Variants in STMN4 observed in about 807,000 individuals in gnomAD.
STMN4 encodes stathmin-4.
A neutral mutation model predicts 29.1 loss-of-function variants in STMN4; 12 were observed. The ratio of observed to expected loss-of-function variants is 0.41; its 90% CI spans 0.26 to 0.67. The LOEUF (loss-of-function observed/expected upper bound fraction) is 0.67. STMN4 is among the 30% of genes least tolerant of loss of function. The probability of loss-of-function intolerance (pLI) is 0.30; values close to 1 mark genes in which losing one functional copy is unlikely to be tolerated. For missense variants in STMN4, 181 were observed against 262.8 expected (o/e 0.69, Z 2.15); for synonymous variants, 114 against 105.3 (o/e 1.08, Z -0.51).
intron 6 of STMN4, chr8:27,239,193 T>A: frequency 1.3e-6 from 2 of 1,531,342 alleles, no homozygotes; most frequent in South Asian, 2.4e-5. Context: ...TCTAGGTGGA[T>A]GGGCAGGAAG....
intron 3 of STMN4, 135 bp from the exon 4 acceptor site, chr8:27,241,892 GC>G: frequency 1.1e-6 from 1 of 928,650 alleles, no homozygotes. Context: ...TGAGGACGTG[GC>G]CACCCAGTGC....
intron 1 of STMN4, among the ~76,000 whole-genome samples, chr8:27,244,674 C>T (rs1586011147): frequency 6.6e-6 from 1 of 151,562 alleles, no homozygotes; most frequent in African/African-American, 2.4e-5. Flanking sequence ...GGCCAAGGGT[C>T]GGGGTGAGAA....
At chr8:27,257,459 AACACACACACACACACACACACAC>A (rs59516183) in intron 1 of STMN4, among the ~76,000 whole-genome samples, 4 of 137,722 alleles carry the variant, frequency 2.9e-5, no homozygotes, top group African/African-American at 1.1e-4. Flanking sequence ...CCCCCATACA[AACACACACACACACACACACACAC>A]ACACACACAC....
At chr8:27,247,246 C>T (rs1335313742) in intron 1 of STMN4, among the ~76,000 whole-genome samples, 2 of 103,970 alleles carry the variant, frequency 1.9e-5, no homozygotes, top group Non-Finnish European at 3.8e-5. Flanking sequence ...GAGAGTGAGA[C>T]TTTGTCTCAA....
At chr8:27,257,797 G>C (rs553410420) in intron 1 of STMN4, among the ~76,000 whole-genome samples, 1 of 152,300 alleles carries the variant, frequency 6.6e-6, no homozygotes, top group African/African-American at 2.4e-5. Flanking sequence ...GGTAGGATTA[G>C]GCTGACCTCA....
intron 1 of STMN4, among the ~76,000 whole-genome samples, chr8:27,258,076 AG>A (rs1801994487): frequency 6.6e-6 from 1 of 152,188 alleles, no homozygotes; most frequent in South Asian, 2.1e-4. Flanking sequence ...ATGCAGAAAT[AG>A]CTCACCATAG....
At chr8:27,239,370 C>T (rs542375247) in intron 6 of STMN4, 1 of 1,416,336 alleles carries the variant, frequency 7.1e-7, no homozygotes, top group African/African-American at 1.4e-5. Flanking sequence ...CCAGCGTGTT[C>T]TCAGCAGAAC....
chr8:27,242,308 T>C, intron 3 of STMN4, 89 bp downstream of exon 3: 1 of 1,272,684 alleles, frequency 7.9e-7, no homozygotes, highest in Admixed American at 1.8e-5. Context: ...GAGGAGAGAT[T>C]CACGGGACTG....
intron 4 of STMN4, 34 bp downstream of exon 4, chr8:27,241,643 G>A (rs202177422): frequency 1.3e-5 from 21 of 1,612,648 alleles, no homozygotes; most frequent in African/African-American, 2.7e-5. Flanking sequence ...TCTGACGCTC[G>A]GCCTGCGGAA....
Position 27,241,122 on chromosome 8 carries a change from G to A in STMN4, c.331C>T (p.Pro111Ser). Reference protein sequence around the residue: ...DGVPEFNASLPRRRDPSLEEI... With the variant: ...DGVPEFNASLSRRRDPSLEEI... ...TCCAGGGATGGGTCTCGCCGCCTTG[G>A]CAGGGAGGCGTTGAACTCGGGAACC... The change falls in exon 5 of 7, where the codon CCA (proline) becomes TCA (serine). Residue 111 changes from proline (P) to serine (S), a missense_variant. Coordinates refer to ENST00000350889, the MANE Select transcript of STMN4 (RefSeq NM_030795.4). The A allele has an allele frequency of 6.2e-7, 1 of 1,614,206 alleles. No individual in the cohort carries two copies. Among genetic ancestry groups the A allele is most frequent in the Non-Finnish European group, 8.5e-7 (1 of 1,180,030 alleles).
Position 27,243,804 on chromosome 8 carries a change from G to T in STMN4, c.-78-3C>A. 1.2e-6 allele frequency: 2 copies of T among 1,613,628 alleles called. No homozygotes were observed. Among genetic ancestry groups the T allele is most frequent in the Non-Finnish European group, 1.7e-6 (2 of 1,179,562 alleles). On this transcript the variant is annotated splice_region_variant and splice_polypyrimidine_tract_variant and intron_variant, in intron 1 of 6. Coordinates refer to ENST00000350889, the MANE Select transcript of STMN4 (RefSeq NM_030795.4). ...CAGCTTGGGACGCTGTCACCAACCT[G>T]AGAAAAGGGGAGGACAGGATTTTAC...
chr8:27,249,861 T>A (rs1801735128), intron 1 of STMN4, among the ~76,000 whole-genome samples: 1 of 152,184 alleles, frequency 6.6e-6, no homozygotes, highest in Admixed American at 6.5e-5. Flanking sequence ...AACAAGCATT[T>A]TATTGGTCAC....
At chr8:27,250,555 G>T (rs904254571) in intron 1 of STMN4, among the ~76,000 whole-genome samples, 1 of 152,202 alleles carries the variant, frequency 6.6e-6, no homozygotes, top group African/African-American at 2.4e-5. Context: ...GCCATAAAGG[G>T]AGAAGGAGTG....
At position 27,236,243 on chromosome 8, in the gene STMN4, G is replaced by T. The variant is rs28526441; in HGVS notation, c.*603C>A. Reference sequence around the variant, plus strand: ...CAGATGGATGAAAGCCAGGTTTCGAGAACTTTTTAACAATTACCCAAAGGA... The same window carrying T: ...CAGATGGATGAAAGCCAGGTTTCGATAACTTTTTAACAATTACCCAAAGGA... On this transcript the variant is annotated 3_prime_UTR_variant, in exon 7 of 7. Transcript: ENST00000350889. 33,344 of 152,204 alleles carry T rather than the reference G, an allele frequency of 0.22. 3,714 individuals are homozygous for T. Among genetic ancestry groups the T allele is most frequent in the Middle Eastern group, 0.3 (87 of 294 alleles). 9.4% of individuals were successfully genotyped at this position (152,204 alleles called of 1,614,324 possible). A position where few individuals can be genotyped will look rare whatever the true frequency, so the allele number is the denominator to read the frequency against.
intron 6 of STMN4, chr8:27,239,194 G>C: frequency 6.5e-7 from 1 of 1,532,100 alleles, no homozygotes. Context: ...CTAGGTGGAT[G>C]GGCAGGAAGG....
intron 6 of STMN4, chr8:27,239,593 G>T (rs1005263983): frequency 1.9e-6 from 2 of 1,041,166 alleles, no homozygotes; most frequent in Non-Finnish European, 2.7e-6. Flanking sequence ...GCTCAAGAAA[G>T]CATCTTTCCT....
At chr8:27,244,966 C>T (rs944673927) in intron 1 of STMN4, among the ~76,000 whole-genome samples, 3 of 152,166 alleles carry the variant, frequency 2.0e-5, no homozygotes, top group African/African-American at 7.2e-5. Flanking sequence ...TCACTGCCTA[C>T]ATCCTTGCCA....
intron 1 of STMN4, among the ~76,000 whole-genome samples, chr8:27,257,394 C>A (rs1801971679): frequency 6.6e-6 from 1 of 151,200 alleles, no homozygotes; most frequent in Non-Finnish European, 1.5e-5. Flanking sequence ...AGGGGGTATC[C>A]CTTCCCAGGG....
intron 1 of STMN4, among the ~76,000 whole-genome samples, chr8:27,252,389 G>C (rs1200917336): frequency 6.6e-6 from 1 of 152,098 alleles, no homozygotes; most frequent in African/African-American, 2.4e-5. Flanking sequence ...TCGCCACAAA[G>C]GGCTAATATC....
Sources: gnomAD v4.1 joint callset for allele counts (sites outside exome capture counted in the v4.1 genomes callset) on GRCh38, gnomAD v4.1.1 for gene constraint, MANE v1.5 for transcripts, NCBI Gene and HGNC (gene_info 2026-07-23, HGNC 2026-07-21) for gene names.